IFT122: variants seen among roughly 807,000 people sequenced by gnomAD.
IFT122 encodes intraflagellar transport protein 122 homolog.
A neutral mutation model predicts 161.6 loss-of-function variants in IFT122; 118 were observed. The observed-to-expected ratio is 0.73, with a 90% CI of 0.63 to 0.85. The LOEUF (loss-of-function observed/expected upper bound fraction) is 0.85, where lower values mean the gene tolerates loss of function less well. Ranked by LOEUF, IFT122 falls within the 40% of genes least tolerant of loss-of-function variation. IFT122 has a pLI of 0.00. For missense variants in IFT122, 1,381 were observed against 1,579.6 expected (o/e 0.87, Z 2.13); for synonymous variants, 550 against 602.4 (o/e 0.91, Z 1.27).
Position 129,519,109 on chromosome 3 carries a change from T to G in IFT122, c.3394T>G (p.Ser1132Ala). 6.2e-7 allele frequency: 1 copy of G among 1,613,916 alleles called. No individual in the cohort carries two copies. The highest frequency in any genetic ancestry group is 8.5e-7 in the Non-Finnish European group (1 of 1,179,810). ...DRQLEIANNS[S>A]QILRLVETKD... is the part of the protein sequence containing the mutation. ...CATCCTTGACCAGATCCCTCCAGGC[T>G]CCCAGATTCTGCGGCTAGTGGAGAC... Residue 1132 changes from serine (S) to alanine (A), a missense_variant and splice_region_variant, in exon 28 of 30, where the codon TCC (serine) becomes GCC (alanine). Ser to Ala is a moderately conservative substitution (Grantham distance 99). Transcript: ENST00000348417.
At chr3:129,450,941 C>T (rs977345474) in intron 2 of IFT122, among the ~76,000 whole-genome samples, 3 of 151,900 alleles carry the variant, frequency 2.0e-5, no homozygotes, top group African/African-American at 4.8e-5. Flanking sequence ...AGGATGGTCT[C>T]GATCTCCTGA....
intron 21 of IFT122, among the ~76,000 whole-genome samples, chr3:129,505,950 C>T (rs1026053575): frequency 6.6e-6 from 1 of 152,158 alleles, no homozygotes; most frequent in African/African-American, 2.4e-5. Context: ...GGATAATTTT[C>T]CTTCTTCATA....
At chr3:129,483,762 G>T (rs549014260) in intron 15 of IFT122, 80 bp downstream of exon 15, 79 of 1,322,314 alleles carry the variant, frequency 6.0e-5, no homozygotes, top group Middle Eastern at 3.8e-4. Context: ...CTGGTGCTTT[G>T]GGGAGAGAGT....
chr3:129,497,106 C>G (rs1356385277), intron 18 of IFT122, among the ~76,000 whole-genome samples: 4 of 152,084 alleles, frequency 2.6e-5, no homozygotes, highest in African/African-American at 9.7e-5. Flanking sequence ...TATGGTGAAA[C>G]CCTCTCTCTA....
intron 5 of IFT122, 139 bp downstream of exon 5, chr3:129,461,443 T>C: frequency 1.4e-6 from 1 of 724,220 alleles, no homozygotes; most frequent in Non-Finnish European, 2.5e-6. Flanking sequence ...GAGGGGAGGC[T>C]GACAGTTATT....
At chr3:129,514,716 C>A in intron 25 of IFT122, 162 bp downstream of exon 25, 1 of 805,238 alleles carries the variant, frequency 1.2e-6, no homozygotes, top group South Asian at 1.5e-5. Flanking sequence ...CCCTGTGCTT[C>A]CCTGTCCACC....
rs143884269 is a variant in IFT122 at position 129,502,751 on chromosome 3, G to A, written c.2416G>A (p.Glu806Lys). ...CCGCAAACTGGACAAGGCTGAGCGC[G>A]AGCCCCTGCTGCTGTGCGCTACCTA... ...IARKLDKAER[E>K]PLLLCATYLK... Residue 806 changes from glutamate to lysine, a missense_variant, in exon 20 of 30, where the codon GAG becomes AAG. By Grantham distance (56) the Glu-to-Lys change is moderately conservative (BLOSUM62 1). This residue lies in a region of IFT122 where 496 missense variants were observed against 502.5 expected (regional missense o/e 0.99). Coordinates refer to ENST00000348417, the MANE Select transcript of IFT122 (RefSeq NM_052989.3). The A allele has an allele frequency of 9.3e-6, 15 of 1,611,424 alleles. No individual in the cohort carries two copies. The highest frequency in any genetic ancestry group is 1.7e-5 in the Admixed American group (1 of 60,026).
chr3:129,488,022 G>A, intron 15 of IFT122: 2 of 614,048 alleles, frequency 3.3e-6, no homozygotes, highest in East Asian at 5.7e-5. Flanking sequence ...AAGGAGGGGA[G>A]GATGGGCAGA....
At chr3:129,445,856 C>T (rs574125081) in intron 1 of IFT122, among the ~76,000 whole-genome samples, 9 of 152,170 alleles carry the variant, frequency 5.9e-5, no homozygotes, top group Admixed American at 2.6e-4. Context: ...AATAAGAGTT[C>T]GAAGTACTGT....
intron 7 of IFT122, among the ~76,000 whole-genome samples, chr3:129,466,654 A>G (rs909701752): frequency 3.3e-5 from 5 of 151,752 alleles, no homozygotes; most frequent in African/African-American, 1.2e-4. Context: ...GGCACATGCC[A>G]CTACACCTGT....
chr3:129,473,860 C>T (rs1207517581), intron 9 of IFT122, among the ~76,000 whole-genome samples: 2 of 152,188 alleles, frequency 1.3e-5, no homozygotes, highest in Non-Finnish European at 2.9e-5. Context: ...CATGTGTCTT[C>T]AGTTTCTGCC....
At chr3:129,443,015 A>G (rs1014034354) in intron 1 of IFT122, among the ~76,000 whole-genome samples, 8 of 152,152 alleles carry the variant, frequency 5.3e-5, no homozygotes, top group Admixed American at 5.2e-4. Context: ...CTGTATTCCA[A>G]TCAGGCTAGC....
intron 1 of IFT122, among the ~76,000 whole-genome samples, chr3:129,447,333 A>G (rs1217309619): frequency 3.3e-5 from 5 of 152,124 alleles, no homozygotes; most frequent in African/African-American, 7.2e-5. Flanking sequence ...ACTCAAAGTG[A>G]GGGCTTCCAG....
chr3:129,515,370 G>T (rs915911801), intron 25 of IFT122, 118 bp from the exon 26 acceptor site: 2 of 824,894 alleles, frequency 2.4e-6, no homozygotes, highest in Middle Eastern at 3.4e-4. Flanking sequence ...TTCCCTGCCT[G>T]CCCACCCGGG....
intron 1 of IFT122, among the ~76,000 whole-genome samples, chr3:129,448,930 C>G (rs1254190316): frequency 6.6e-6 from 1 of 152,170 alleles, no homozygotes; most frequent in Non-Finnish European, 1.5e-5. Flanking sequence ...AACTCCTGAC[C>G]TCAAGTCTTC....
At chr3:129,459,828 A>C (rs1366080068) in intron 4 of IFT122, among the ~76,000 whole-genome samples, 1 of 148,948 alleles carries the variant, frequency 6.7e-6, no homozygotes, top group Admixed American at 6.8e-5. Context: ...TAACTAGCTC[A>C]CTGCAACTAC....
At chr3:129,457,335 T>C (rs998675444) in intron 3 of IFT122, among the ~76,000 whole-genome samples, 1 of 152,232 alleles carries the variant, frequency 6.6e-6, no homozygotes, top group East Asian at 1.9e-4. Flanking sequence ...TGGCTTCCCA[T>C]TGCTTTAGGA....
chr3:129,481,978 A>G (rs1032163179), intron 14 of IFT122, among the ~76,000 whole-genome samples: 2 of 152,228 alleles, frequency 1.3e-5, no homozygotes, highest in African/African-American at 4.8e-5. Flanking sequence ...TTTACCATGA[A>G]CAAGAAATGG....
At chr3:129,501,297 C>T (rs1191626586) in intron 19 of IFT122, among the ~76,000 whole-genome samples, 1 of 152,144 alleles carries the variant, frequency 6.6e-6, no homozygotes, top group South Asian at 2.1e-4. Context: ...GCTGTTGATT[C>T]TTCTGGAAAC....
Sources: allele counts gnomAD v4.1 joint callset (sites outside exome capture counted in the v4.1 genomes callset), GRCh38; gene constraint gnomAD v4.1.1; regional missense constraint gnomAD v4.1.1; transcripts MANE v1.5; gene names NCBI Gene and HGNC (gene_info 2026-07-23, HGNC 2026-07-21).